The following MISP variants were observed in gnomAD, a reference collection of about 807,000 sequenced individuals.
The protein encoded by MISP is mitotic spindle positioning, also known as mitotic interactor and substrate of PLK1.
In MISP, 51 loss-of-function variants were observed where a neutral mutation model predicts 49.3. That is an observed-to-expected ratio of 1.03 (90% CI 0.83 to 1.31). The LOEUF (loss-of-function observed/expected upper bound fraction) is 1.31. MISP is among the 50% of genes most tolerant of loss of function. The probability of loss-of-function intolerance (pLI) is 0.00; values close to 1 mark genes in which losing one functional copy is unlikely to be tolerated. For synonymous variants in MISP, 444 were observed against 392.6 expected, an observed-to-expected ratio of 1.13 and a Z score of -1.55; for missense variants, 1,084 against 935.1, an observed-to-expected ratio of 1.16 and a Z score of -2.08.
At chr19:763,091 C>T (rs189444858) in intron 4 of MISP, among the ~76,000 whole-genome samples, 2 of 152,206 alleles carry the variant, frequency 1.3e-5, no homozygotes, top group Admixed American at 1.3e-4. Flanking sequence ...AGATCGAGAC[C>T]ATGGTGAAAC....
chr19:757,863 A>C lies in MISP; in HGVS notation c.917A>C (p.Asp306Ala). Residue 306 changes from aspartate (D) to alanine (A), a missense_variant, in exon 2 of 5, where the codon GAC (aspartate) becomes GCC (alanine). By Grantham distance (126) the Asp-to-Ala change is moderately radical (BLOSUM62 -2). Transcript: ENST00000215582. The part of the protein sequence containing the change: ...EIRLAQEREA[D>A]LREQRGLRQA... ...CGTCTGGCTCAGGAGCGTGAGGCAG[A>C]CCTGCGAGAGCAGAGGGGGCTTCGG... The C allele has an allele frequency of 1.2e-6, 2 of 1,610,502 alleles. No individual in the cohort carries two copies. Among genetic ancestry groups the C allele is most frequent in the Non-Finnish European group, 1.7e-6 (2 of 1,179,718 alleles).
Position 758,090 on chromosome 19 carries a change from T to A in MISP, c.1144T>A (p.Ser382Thr). 1.3e-6 allele frequency: 2 copies of A among 1,587,264 alleles called. No individual in the cohort carries two copies. The highest frequency in any genetic ancestry group is 1.7e-6 in the Non-Finnish European group (2 of 1,167,714). Residue 382 changes from serine to threonine, a missense_variant, in exon 2 of 5, where the codon TCG becomes ACG. Coordinates refer to ENST00000215582, the MANE Select transcript of MISP (RefSeq NM_173481.4). Reference protein sequence around the residue: ...VGRASTPDWVSEGPQPGLRRA... With the variant: ...VGRASTPDWVTEGPQPGLRRA... ...CCGGGCGTCCACACCCGACTGGGTC[T>A]CGGAGGGTCCCCAGCCCGGACTCCG...
chr19:756,472 AT>A (rs1246779209), intron 1 of MISP, among the ~76,000 whole-genome samples: 1 of 152,008 alleles, frequency 6.6e-6, no homozygotes, highest in Non-Finnish European at 1.5e-5. Context: ...AGGCCAGAGA[AT>A]GGGCTACTCT....
chr19:763,493 T>A lies in MISP; in HGVS notation c.1951-8T>A. On this transcript the variant is annotated splice_region_variant and splice_polypyrimidine_tract_variant and intron_variant, in intron 4 of 4. Transcript: ENST00000215582. ...TGGATCGGGGGAATTCATGCCTCCT[T>A]TTTGCAGGTCCTGGAAGCCATACGG... The A allele has an allele frequency of 6.2e-7, 1 of 1,611,660 alleles. No homozygotes were observed. Among genetic ancestry groups the A allele is most frequent in the East Asian group, 2.2e-5 (1 of 44,866 alleles).
chr19:757,564 G>A lies in MISP; in HGVS notation c.618G>A (p.Ala206=), dbSNP rs1385347720. 5 of 1,612,800 alleles carry A rather than the reference G, an allele frequency of 3.1e-6. No homozygotes were observed. Among genetic ancestry groups the A allele is most frequent in the Admixed American group, 1.7e-5 (1 of 59,862 alleles). The change falls in exon 2 of 5, where the codon GCG becomes GCA. Residue 206 remains alanine (A), a synonymous_variant. Coordinates refer to ENST00000215582, the MANE Select transcript of MISP (RefSeq NM_173481.4). ...ARQQFLSLEQ[A]NKGAPHSSPA... The stretch of plus-strand genomic sequence containing the variant: ...AGCAGTTCCTGAGTCTGGAGCAGGC[G>A]AACAAGGGGGCCCCTCATAGCTCCC...
chr19:759,320 G>A (rs979999748), intron 2 of MISP, among the ~76,000 whole-genome samples: 29 of 151,738 alleles, frequency 1.9e-4, no homozygotes, highest in South Asian at 1.0e-3. Flanking sequence ...CACTGCTCCC[G>A]GCCTGTTCAT....
intron 3 of MISP, 67 bp from the exon 4 acceptor site, chr19:761,558 G>C: frequency 6.3e-7 from 1 of 1,577,052 alleles, no homozygotes; most frequent in Non-Finnish European, 8.7e-7. Flanking sequence ...CTGTGTGGGA[G>C]CTCTGGTCGG....
Position 759,980 on chromosome 19 carries a change from TG to T in MISP, c.1854del (p.Trp618Ter), listed in dbSNP as rs1187005275. The T allele has an allele frequency of 2.5e-6, 4 of 1,614,054 alleles. No individual in the cohort carries two copies. The highest frequency in any genetic ancestry group is 3.4e-6 in the Non-Finnish European group (4 of 1,179,982). On this transcript the variant is annotated frameshift_variant, in exon 3 of 5. Coordinates refer to ENST00000215582, the MANE Select transcript of MISP (RefSeq NM_173481.4). LOFTEE classifies it high-confidence loss of function. ...CATCCACCTACACTCAAACGTGGCG[TG>T]GACAGTGGAAGATCCAGTGGACAGT... Reference protein sequence around the residue: ...SPIHLHSNVAWTVEDPVDSAP... With the variant: ...SPIHLHSNVAXTVEDPVDSAP...
intron 1 of MISP, among the ~76,000 whole-genome samples, chr19:751,911 C>A (rs1170007063): frequency 2.6e-5 from 4 of 152,180 alleles, no homozygotes; most frequent in African/African-American, 9.7e-5. Flanking sequence ...GGAACCTTTG[C>A]CCCTCACATA....
chr19:758,119 A>G lies in MISP; in HGVS notation c.1173A>G (p.Arg391=), dbSNP rs957031751. 1 of 1,605,418 alleles carries G rather than the reference A, an allele frequency of 6.2e-7. No individual in the cohort carries two copies. Among genetic ancestry groups the G allele is most frequent in the Non-Finnish European group, 8.5e-7 (1 of 1,175,630 alleles). The change falls in exon 2 of 5, where the codon AGA becomes AGG. Residue 391 remains arginine (R), a synonymous_variant. Coordinates refer to ENST00000215582, the MANE Select transcript of MISP (RefSeq NM_173481.4). The part of the protein sequence containing the change: ...VSEGPQPGLR[R]ALSSDSILSP... The stretch of plus-strand genomic sequence containing the variant: ...AGGGTCCCCAGCCCGGACTCCGGAG[A>G]GCCCTCAGCTCAGATTCCATCCTCA...
At chr19:760,364 C>CTTTTTTTTT (rs34363064) in intron 3 of MISP, 1 of 128,788 alleles carries the variant, frequency 7.8e-6, no homozygotes, top group African/African-American at 3.3e-5. Flanking sequence ...GCATTAGTTT[C>CTTTTTTTTT]TTTTTTTTTT....
rs141324306 is a variant in MISP, at chr19:757,971, G to A, written c.1025G>A (p.Arg342Gln). The A allele has an allele frequency of 1.2e-4, 192 of 1,584,830 alleles. No homozygotes were observed. In the African/African-American group the frequency reaches 2.3e-3, roughly 19 times the overall value. The change falls in exon 2 of 5, where the codon CGG becomes CAG. Residue 342 changes from arginine (R) to glutamine (Q), a missense_variant. Arg to Gln is a conservative substitution (Grantham distance 43, BLOSUM62 1). Coordinates refer to ENST00000215582, the MANE Select transcript of MISP (RefSeq NM_173481.4). ...CTGAGCCTGATCACAGCCCCACGGC[G>A]GGAGAGAGGGCGCCCGTCCCTCTAC... ...TKLSLITAPR[R>Q]ERGRPSLYVQ...
At chr19:750,704 C>T (rs760377846), upstream of MISP, among the ~76,000 whole-genome samples, 9 of 152,180 alleles carry the variant, frequency 5.9e-5, no homozygotes, top group Admixed American at 3.3e-4. Context: ...AGGGGAGTTG[C>T]CCCAAGGGGT....
upstream of MISP, among the ~76,000 whole-genome samples, chr19:749,292 A>G (rs911784763): frequency 2.0e-5 from 3 of 152,246 alleles, no homozygotes; most frequent in East Asian, 5.8e-4. Context: ...TGTGGTGGAG[A>G]GCACTGCTGA....
chr19:749,141 T>C (rs930007050), upstream of MISP, among the ~76,000 whole-genome samples: 5 of 152,004 alleles, frequency 3.3e-5, no homozygotes, highest in African/African-American at 1.2e-4. Context: ...CTGTCTCAAA[T>C]AAAATAAAAT....
In MISP at chr19:757,651, C is replaced by T. The variant is rs538742996; in HGVS notation, c.705C>T (p.Asn235=). 1.9e-6 allele frequency: 3 copies of T among 1,613,120 alleles called. No individual in the cohort carries two copies. The highest frequency in any genetic ancestry group is 2.5e-6 in the Non-Finnish European group (3 of 1,179,768). The change falls in exon 2 of 5, where the codon AAC becomes AAT. Residue 235 remains asparagine, a synonymous_variant. Coordinates refer to ENST00000215582, the MANE Select transcript of MISP (RefSeq NM_173481.4). ...PGASQAPKAF[N]KPHLANGHVV... ...CCAGCCAGGCCCCCAAGGCCTTCAA[C>T]AAGCCCCACCTGGCCAACGGGCACG...
At chr19:750,100 AAG>A (rs1401944516), upstream of MISP, among the ~76,000 whole-genome samples, 3 of 151,028 alleles carry the variant, frequency 2.0e-5, no homozygotes, top group Admixed American at 6.6e-5. Context: ...CACCTTGACT[AAG>A]AATCCAGGAG....
intron 4 of MISP, 63 bp from the exon 5 acceptor site, chr19:763,438 G>A: frequency 1.7e-6 from 2 of 1,209,104 alleles, no homozygotes; most frequent in Non-Finnish European, 1.2e-6. Context: ...TTGGCAGTTG[G>A]AGGAGACATC....
At chr19:763,357 T>G (rs1216298072) in intron 4 of MISP, 144 bp from the exon 5 acceptor site, 2 of 618,810 alleles carry the variant, frequency 3.2e-6, no homozygotes, top group Non-Finnish European at 5.9e-6. Context: ...TTGATCATAT[T>G]ACTAGGAGTA....
Sources: gnomAD v4.1 joint callset for allele counts (sites outside exome capture counted in the v4.1 genomes callset) on GRCh38, gnomAD v4.1.1 for gene constraint, MANE v1.5 for transcripts, NCBI Gene and HGNC (gene_info 2026-07-23, HGNC 2026-07-21) for gene names.